The following CAST variants were observed in gnomAD, a reference collection of about 807,000 sequenced individuals.
The protein encoded by CAST is calpastatin.
CAST carries 76 observed loss-of-function variants against 119.6 expected under a neutral mutation model. The ratio of observed to expected loss-of-function variants is 0.64; its 90% CI spans 0.53 to 0.77. The LOEUF is 0.77. CAST is among the 30% of genes least tolerant of loss of function. The probability of loss-of-function intolerance (pLI) is 0.00; values close to 1 mark genes in which losing one functional copy is unlikely to be tolerated. For missense variants in CAST, 953 were observed against 946.5 expected (o/e 1.01, Z -0.09); for synonymous variants, 319 against 331.6 (o/e 0.96, Z 0.41).
chr5:96,350,535 G>A, the CAST span, among the ~76,000 whole-genome samples: 2 of 152,068 alleles, frequency 1.3e-5, no homozygotes, highest in South Asian at 2.1e-4. Context: ...AGCCCACAAG[G>A]AATTTCCTAG....
At chr5:96,700,735 G>A (rs1022614286) in intron 3 of CAST, among the ~76,000 whole-genome samples, 3 of 152,228 alleles carry the variant, frequency 2.0e-5, no homozygotes, top group Admixed American at 6.5e-5. Context: ...TGGGGGAAGA[G>A]CCCAGGATTT....
the CAST span, among the ~76,000 whole-genome samples, chr5:96,130,270 A>G: frequency 6.6e-6 from 1 of 152,038 alleles, no homozygotes; most frequent in Non-Finnish European, 1.5e-5. Context: ...GAAAAAAATC[A>G]GACAAATCCC....
chr5:96,629,461 A>G (rs768372485), intron 1 of CAST, among the ~76,000 whole-genome samples: 1 of 152,200 alleles, frequency 6.6e-6, no homozygotes, highest in Non-Finnish European at 1.5e-5. Flanking sequence ...ATTTTGGTTC[A>G]GTTTCTCCCA....
chr5:96,176,550 T>G, the CAST span, among the ~76,000 whole-genome samples: 67 of 152,332 alleles, frequency 4.4e-4, no homozygotes, highest in Middle Eastern at 6.8e-3. Context: ...TTGAGTTTGA[T>G]GCAATATGGA....
the CAST span, among the ~76,000 whole-genome samples, chr5:96,362,316 C>T: frequency 6.6e-6 from 1 of 152,152 alleles, no homozygotes; most frequent in African/African-American, 2.4e-5. Flanking sequence ...GTCTTTATAG[C>T]AGCATGATTT....
At chr5:96,085,587 CA>C in the CAST span, among the ~76,000 whole-genome samples, 1 of 152,102 alleles carries the variant, frequency 6.6e-6, no homozygotes, top group Non-Finnish European at 1.5e-5. Flanking sequence ...CCTTGAAAGT[CA>C]AAAAGTGAGG....
At chr5:96,248,963 G>A in the CAST span, among the ~76,000 whole-genome samples, 1 of 152,208 alleles carries the variant, frequency 6.6e-6, no homozygotes, top group Non-Finnish European at 1.5e-5. Context: ...TTGGCCTTCT[G>A]TTGGGGCTTC....
At chr5:96,454,573 A>G in the CAST span, among the ~76,000 whole-genome samples, 16 of 152,164 alleles carry the variant, frequency 1.1e-4, no homozygotes, top group East Asian at 9.6e-4. Context: ...ACATCAAGGC[A>G]ATTGTTGAGT....
At chr5:96,484,776 G>A in the CAST span, among the ~76,000 whole-genome samples, 3 of 152,000 alleles carry the variant, frequency 2.0e-5, no homozygotes, top group Admixed American at 6.6e-5. Context: ...TCATTAGCAT[G>A]ATCACAGACC....
In CAST at chr5:96,630,964, C is replaced by A. The variant is rs1311674098; in HGVS notation, c.61-44575C>A. ...AAAAATTTTTTTAAATAATCTCTTA[C>A]AGAGTCTCCACCTGACTGCATTGCT... On this transcript the variant is annotated intron_variant, in intron 1 of 11. Coordinates refer to the CAST transcript ENST00000505143. 2.8e-5 allele frequency: 4 copies of A among 140,532 alleles called. 1 individual carries two copies. The highest frequency in any genetic ancestry group is 6.4e-5 in the Non-Finnish European group (4 of 62,502). The allele number at this position is 140,532 out of a possible 1,614,324, so 8.7% of individuals were successfully genotyped here.
At chr5:96,300,481 A>G in the CAST span, among the ~76,000 whole-genome samples, 3 of 152,012 alleles carry the variant, frequency 2.0e-5, no homozygotes, top group Admixed American at 2.0e-4. Context: ...TGCCGATACC[A>G]TGCTGTTTTA....
At chr5:96,110,596 A>C in the CAST span, among the ~76,000 whole-genome samples, 1 of 152,300 alleles carries the variant, frequency 6.6e-6, no homozygotes, top group South Asian at 2.1e-4. Context: ...ACTCTGGCTG[A>C]GGTACAAGGA....
chr5:96,040,856 G>A, the CAST span, among the ~76,000 whole-genome samples: 1 of 152,140 alleles, frequency 6.6e-6, no homozygotes. Flanking sequence ...TCTCTGCTAG[G>A]CTTTGGTATC....
At chr5:96,405,384 A>G in the CAST span, among the ~76,000 whole-genome samples, 1 of 152,206 alleles carries the variant, frequency 6.6e-6, no homozygotes, top group African/African-American at 2.4e-5. Flanking sequence ...AAAGAGATTC[A>G]TGGACCCCTT....
At chr5:96,189,729 T>G in the CAST span, among the ~76,000 whole-genome samples, 2,600 of 152,296 alleles carry the variant, frequency 0.017, 65 homozygotes, top group South Asian at 0.11. Flanking sequence ...TTTACTGCTT[T>G]TTTATAAATT....
chr5:96,431,244 A>G, the CAST span, among the ~76,000 whole-genome samples: 1 of 152,168 alleles, frequency 6.6e-6, no homozygotes, highest in Admixed American at 6.5e-5. Context: ...ACTAAACTGT[A>G]TTATGTCTCA....
intron 1 of CAST, among the ~76,000 whole-genome samples, chr5:96,539,393 G>A (rs867671626): frequency 6.6e-6 from 1 of 152,142 alleles, no homozygotes; most frequent in South Asian, 2.1e-4. Context: ...TGAAGTGACA[G>A]TTTTTATTCT....
At chr5:96,698,055 C>A (rs1403204856) in intron 3 of CAST, among the ~76,000 whole-genome samples, 1 of 152,186 alleles carries the variant, frequency 6.6e-6, no homozygotes, top group Non-Finnish European at 1.5e-5. Context: ...TAGCAAAACA[C>A]CCACCCAGTG....
intron 3 of CAST, among the ~76,000 whole-genome samples, chr5:96,703,942 A>G (rs146229748): frequency 6.9e-4 from 105 of 152,368 alleles, no homozygotes; most frequent in African/African-American, 2.3e-3. Context: ...ATTTTTCAGT[A>G]TCTAAAAGGA....
Sources: allele counts gnomAD v4.1 joint callset (sites outside exome capture counted in the v4.1 genomes callset), GRCh38; gene constraint gnomAD v4.1.1; transcripts MANE v1.5; gene names NCBI Gene and HGNC (gene_info 2026-07-23, HGNC 2026-07-21).